SPINK8: variants seen among roughly 807,000 people sequenced by gnomAD.
SPINK8 encodes the protein serine peptidase inhibitor Kazal type 8 (putative).
SPINK8 carries 12 observed loss-of-function variants against 14.4 expected under a neutral mutation model. The ratio of observed to expected loss-of-function variants is 0.83; its 90% confidence interval spans 0.53 to 1.35. The LOEUF (loss-of-function observed/expected upper bound fraction) is 1.35. Among genes scored for constraint, SPINK8 ranks in the 40% most tolerant of loss-of-function variants. The pLI is 0.00. For missense variants in SPINK8, 103 were observed against 117.0 expected (o/e 0.88, Z 0.55); for synonymous variants, 32 against 37.6 (o/e 0.85, Z 0.55).
intron 6 of SPINK8, 139 bp downstream of exon 6, chr3:48,319,358 G>A: frequency 2.0e-6 from 2 of 995,462 alleles, no homozygotes. Flanking sequence ...ATGGAAGAAA[G>A]GGAGGAACAA....
chr3:48,331,901 G>A (rs1439014411), intron 2 of SPINK8, among the ~76,000 whole-genome samples: 2 of 152,228 alleles, frequency 1.3e-5, no homozygotes, highest in African/African-American at 4.8e-5. Context: ...CAGTGGTCAA[G>A]CATACCTGGG....
chr3:48,312,158 A>T lies in SPINK8; in HGVS notation c.240-2212T>A, dbSNP rs186604300. Among the ~76,000 whole-genome samples the T allele has an allele frequency of 3.7e-4, 56 of 152,128 alleles. No homozygotes were observed. The East Asian group carries it at 0.01, about 28-fold the overall frequency. ...CCAAAAAAAAAAAAAAAGTATAATA[A>T]TCAGTGGTACTGGTACTGGTATTAG... On this transcript the variant is annotated intron_variant, in intron 6 of 7. Transcript: ENST00000434006.
chr3:48,333,256 T>G (rs1479955604), intron 1 of SPINK8, among the ~76,000 whole-genome samples: 1 of 152,228 alleles, frequency 6.6e-6, no homozygotes, highest in African/African-American at 2.4e-5. Context: ...TTTCTCCCTC[T>G]TGAAGAGGAT....
intron 6 of SPINK8, among the ~76,000 whole-genome samples, chr3:48,312,738 C>A (rs1160195280): frequency 1.3e-5 from 2 of 152,060 alleles, no homozygotes; most frequent in Non-Finnish European, 2.9e-5. Context: ...GTGGCTCACG[C>A]CTGTAATCCC....
At chr3:48,317,888 G>A (rs1035448671) in intron 6 of SPINK8, among the ~76,000 whole-genome samples, 2 of 152,006 alleles carry the variant, frequency 1.3e-5, no homozygotes, top group Admixed American at 6.5e-5. Context: ...CTACAGGCAG[G>A]TGCCACCATG....
chr3:48,333,170 C>T (rs2036288069), intron 1 of SPINK8, among the ~76,000 whole-genome samples: 1 of 152,152 alleles, frequency 6.6e-6, no homozygotes, highest in African/African-American at 2.4e-5. Flanking sequence ...GCACTTCGCT[C>T]CATTTGCCCT....
At chr3:48,315,074 A>C (rs867699333) in intron 6 of SPINK8, among the ~76,000 whole-genome samples, 1 of 152,178 alleles carries the variant, frequency 6.6e-6, no homozygotes. Flanking sequence ...CATTTAAGGA[A>C]ATTTTTTTCC....
chr3:48,317,437 G>T (rs1043908907), intron 6 of SPINK8, among the ~76,000 whole-genome samples: 1 of 152,010 alleles, frequency 6.6e-6, no homozygotes, highest in Middle Eastern at 3.2e-3. Context: ...GCAGTGAGCC[G>T]AGACCACAGT....
chr3:48,307,081 C>T, intron 7 of SPINK8, 78 bp from the exon 8 acceptor site: 1 of 1,340,048 alleles, frequency 7.5e-7, no homozygotes, highest in Non-Finnish European at 1.1e-6. Context: ...TAAACACAAC[C>T]ATAGTTCAGC....
chr3:48,307,404 CCTT>C (rs1033344975), intron 7 of SPINK8, among the ~76,000 whole-genome samples: 1 of 151,372 alleles, frequency 6.6e-6, no homozygotes, highest in African/African-American at 2.4e-5. Context: ...TTCCTTCCTT[CCTT>C]CTTTCCTTCC....
At chr3:48,323,378 C>T (rs2036100844) in intron 4 of SPINK8, among the ~76,000 whole-genome samples, 1 of 152,130 alleles carries the variant, frequency 6.6e-6, no homozygotes, top group Admixed American at 6.6e-5. Context: ...GGATTACAGG[C>T]ATGAGCCACC....
intron 5 of SPINK8, 78 bp from the exon 6 acceptor site, chr3:48,319,696 G>C: frequency 6.3e-7 from 1 of 1,583,508 alleles, no homozygotes; most frequent in African/African-American, 1.3e-5. Context: ...AGCTTGGGAG[G>C]TGGATGGAAT....
At chr3:48,320,558 A>AG (rs1416195303) in intron 5 of SPINK8, among the ~76,000 whole-genome samples, 3 of 152,152 alleles carry the variant, frequency 2.0e-5, no homozygotes, top group Non-Finnish European at 4.4e-5. Context: ...AAAAAAAAAA[A>AG]AAATTCTGAT....
chr3:48,331,259 A>C (rs2036256295), intron 2 of SPINK8, among the ~76,000 whole-genome samples: 1 of 152,188 alleles, frequency 6.6e-6, no homozygotes, highest in Non-Finnish European at 1.5e-5. Flanking sequence ...CGCATTCTCC[A>C]TAGAAGCTCT....
At chr3:48,314,150 C>T (rs2035956735) in intron 6 of SPINK8, among the ~76,000 whole-genome samples, 1 of 151,946 alleles carries the variant, frequency 6.6e-6, no homozygotes, top group Non-Finnish European at 1.5e-5. Context: ...GCATTTGCAC[C>T]CATTTATAGT....
At position 48,331,643 on chromosome 3, in the gene SPINK8, A is replaced by G. The variant is rs188249274; in HGVS notation, c.-136+723T>C. ...TTTTCTTCTCCTAATTCTAGTGTAT[A>G]ATGGCCCCTGTTTTTGCTAGAATGT... On this transcript the variant is annotated intron_variant, in intron 2 of 7. Coordinates refer to ENST00000434006, the MANE Select transcript of SPINK8 (RefSeq NM_001080525.3). 2.0e-5 allele frequency among the ~76,000 whole-genome samples: 3 copies of G among 152,312 alleles called. No homozygotes were observed. In the East Asian group the frequency reaches 5.8e-4, roughly 29 times the overall value.
At chr3:48,321,520 T>A (rs1342069519) in intron 4 of SPINK8, among the ~76,000 whole-genome samples, 1 of 151,020 alleles carries the variant, frequency 6.6e-6, no homozygotes, top group Non-Finnish European at 1.5e-5. Flanking sequence ...TAGTATATAA[T>A]ATGTATAATA....
rs775264948 is a variant in SPINK8 at position 48,328,275 on chromosome 3, C to T, written c.67G>A (p.Asp23Asn). The T allele has an allele frequency of 1.2e-6, 2 of 1,608,812 alleles. No individual in the cohort carries two copies. Among genetic ancestry groups the T allele is most frequent in the South Asian group, 2.2e-5 (2 of 89,638 alleles). ...ATSMWMAFAIDFPLPMASERG... is the reference protein window; with the variant it reads ...ATSMWMAFAINFPLPMASERG... ...GGCAGAGCAAGGACACATAACTCAC[C>T]AATTGCAAAGGCCATCCACATGGAG... The change falls in exon 4 of 8, where the codon GAC becomes AAC. Residue 23 changes from aspartate to asparagine, a missense_variant and splice_region_variant. Coordinates refer to ENST00000434006, the MANE Select transcript of SPINK8 (RefSeq NM_001080525.3).
chr3:48,326,287 G>T (rs528940583), intron 4 of SPINK8, among the ~76,000 whole-genome samples: 1 of 152,142 alleles, frequency 6.6e-6, no homozygotes, highest in African/African-American at 2.4e-5. Flanking sequence ...CATTCTTGCT[G>T]TTCCTACCTT....
Sources: allele counts gnomAD v4.1 joint callset (sites outside exome capture counted in the v4.1 genomes callset), GRCh38; gene constraint gnomAD v4.1.1; transcripts MANE v1.5; gene names NCBI Gene and HGNC (gene_info 2026-07-23, HGNC 2026-07-21).